Variants in MCTP2 observed in about 807,000 individuals in gnomAD.
The protein encoded by MCTP2 is multiple C2 and transmembrane domain containing 2.
A neutral mutation model predicts 111.6 loss-of-function variants in MCTP2; 132 were observed. The ratio of observed to expected loss-of-function variants is 1.18; its 90% CI spans 1.03 to 1.37. MCTP2 has a LOEUF of 1.37. MCTP2 is among the 40% of genes most tolerant of loss of function. The probability of loss-of-function intolerance (pLI) is 0.00; values close to 1 mark genes in which losing one functional copy is unlikely to be tolerated. For synonymous variants in MCTP2, 395 were observed against 387.7 expected, an observed-to-expected ratio of 1.02 and a Z score of -0.22; for missense variants, 1,183 against 1,067.9, an observed-to-expected ratio of 1.11 and a Z score of -1.50.
At chr15:94,430,393 T>TCACA (rs35129445) in intron 17 of MCTP2, among the ~76,000 whole-genome samples, 2,221 of 107,152 alleles carry the variant, frequency 0.021, 49 homozygotes, top group African/African-American at 0.041. Flanking sequence ...CCAAAAACAA[T>TCACA]CACACACACA....
chr15:94,281,772 C>G (rs1012619660), intron 1 of MCTP2, among the ~76,000 whole-genome samples: 1 of 152,124 alleles, frequency 6.6e-6, no homozygotes, highest in Non-Finnish European at 1.5e-5. Context: ...ATTCCCCTAG[C>G]ATTTCTTGTC....
intron 12 of MCTP2, among the ~76,000 whole-genome samples, chr15:94,377,682 G>A (rs770818035): frequency 1.4e-4 from 21 of 152,066 alleles, no homozygotes; most frequent in Non-Finnish European, 2.5e-4. Context: ...GGAGGAATTG[G>A]TCCCTGACCT....
chr15:94,433,867 C>T (rs2083318405), intron 17 of MCTP2, among the ~76,000 whole-genome samples: 1 of 151,984 alleles, frequency 6.6e-6, no homozygotes, highest in Non-Finnish European at 1.5e-5. Flanking sequence ...TGGATATCTT[C>T]CTATGTGTTT....
chr15:94,361,404 G>A (rs935177902), intron 10 of MCTP2, among the ~76,000 whole-genome samples: 4 of 152,150 alleles, frequency 2.6e-5, no homozygotes, highest in Admixed American at 1.3e-4. Flanking sequence ...CACATCCTGA[G>A]CTTGCTGATA....
At chr15:94,249,840 T>C (rs2152265188) in intron 1 of MCTP2, among the ~76,000 whole-genome samples, 1 of 152,302 alleles carries the variant, frequency 6.6e-6, no homozygotes, top group East Asian at 1.9e-4. Context: ...TGATCTGAGC[T>C]GGTCACCAGA....
chr15:94,428,051 G>A (rs781529978), intron 17 of MCTP2, among the ~76,000 whole-genome samples: 7 of 152,002 alleles, frequency 4.6e-5, no homozygotes, highest in African/African-American at 1.2e-4. Context: ...CTTCACTCTC[G>A]TAAGTCAATG....
At chr15:94,413,232 T>G (rs1168954366) in intron 17 of MCTP2, among the ~76,000 whole-genome samples, 2 of 152,198 alleles carry the variant, frequency 1.3e-5, no homozygotes. Context: ...CAGCAATTTA[T>G]TTTTAATTTG....
intron 17 of MCTP2, among the ~76,000 whole-genome samples, chr15:94,425,624 CACTT>C (rs2082848122): frequency 1.3e-5 from 2 of 151,802 alleles, no homozygotes; most frequent in Non-Finnish European, 2.9e-5. Context: ...CTTTTTGAAA[CACTT>C]AGAGAACTGA....
rs755287019 is a variant in MCTP2, at chr15:94,267,869, CTTT to C, written c.-65-30320_-65-30318del. On this transcript the variant is annotated intron_variant, in intron 1 of 22. Transcript: ENST00000357742. ...GGTCTGGATTACTTTCCTTTTCTTTCTTTTTTTTTTTTTTGAGACAGAGTCTTG... is the reference window on the plus strand; with the variant it reads ...GGTCTGGATTACTTTCCTTTTCTTTCTTTTTTTTTTTGAGACAGAGTCTTG... 9.0e-5 allele frequency among the ~76,000 whole-genome samples: 7 copies of C among 77,458 alleles called. 2 individuals are homozygous for C. In the East Asian group the frequency reaches 1.5e-3, roughly 17 times the overall value. The allele number at this position is 77,458 out of a possible 152,430, so 50.8% of individuals were successfully genotyped here.
intron 2 of MCTP2, among the ~76,000 whole-genome samples, chr15:94,311,585 G>A (rs1205675060): frequency 1.3e-5 from 2 of 152,106 alleles, no homozygotes; most frequent in African/African-American, 4.8e-5. Context: ...ACATTTTGCT[G>A]TTCTTTATGG....
intron 2 of MCTP2, among the ~76,000 whole-genome samples, chr15:94,303,147 A>G (rs1042949205): frequency 1.4e-5 from 1 of 70,806 alleles, no homozygotes; most frequent in Admixed American, 1.6e-4. Context: ...ATATATATAT[A>G]TAGTTCTGTC....
At chr15:94,242,771 G>T (rs771329070) in intron 1 of MCTP2, among the ~76,000 whole-genome samples, 5 of 151,198 alleles carry the variant, frequency 3.3e-5, no homozygotes, top group Admixed American at 2.6e-4. Context: ...GTCAGAAAGC[G>T]AGTATTGCAC....
chr15:94,442,936 T>G lies in MCTP2; in HGVS notation c.2226T>G (p.Asp742Glu). ...CCTTTCAGGAGAGCACAGACATAGATGACGAGGAGGATGAAGATGACAAGG... is the reference window on the plus strand; with the variant it reads ...CCTTTCAGGAGAGCACAGACATAGAGGACGAGGAGGATGAAGATGACAAGG... ...IQDSQESTDIDDEEDEDDKES... is the reference protein window; with the variant it reads ...IQDSQESTDIEDEEDEDDKES... The change falls in exon 19 of 23, where the codon GAT (aspartate) becomes GAG (glutamate). Residue 742 changes from aspartate to glutamate, a missense_variant. Asp to Glu is a conservative substitution (Grantham distance 45, BLOSUM62 2). Transcript: ENST00000357742. The G allele has an allele frequency of 6.2e-7, 1 of 1,613,464 alleles. No homozygotes were observed. Among genetic ancestry groups the G allele is most frequent in the Non-Finnish European group, 8.5e-7 (1 of 1,179,704 alleles).
chr15:94,300,273 C>T (rs955941956), intron 2 of MCTP2, among the ~76,000 whole-genome samples: 3 of 151,814 alleles, frequency 2.0e-5, no homozygotes, highest in Non-Finnish European at 2.9e-5. Flanking sequence ...TTTGGGAGAC[C>T]GAGGTGGGTG....
At chr15:94,277,404 T>C (rs556034974) in intron 1 of MCTP2, among the ~76,000 whole-genome samples, 2 of 152,290 alleles carry the variant, frequency 1.3e-5, no homozygotes, top group South Asian at 4.1e-4. Context: ...TTTATAATTG[T>C]CAGAAAGTGG....
chr15:94,318,162 C>T (rs2076457783), intron 4 of MCTP2, among the ~76,000 whole-genome samples: 1 of 152,000 alleles, frequency 6.6e-6, no homozygotes, highest in African/African-American at 2.4e-5. Context: ...AACCATTTCT[C>T]TGGCGAGTAG....
chr15:94,250,605 G>T (rs1382241000), intron 1 of MCTP2, among the ~76,000 whole-genome samples: 1 of 152,192 alleles, frequency 6.6e-6, no homozygotes, highest in Non-Finnish European at 1.5e-5. Context: ...GGGACTGAGA[G>T]TTATCTATTT....
intron 1 of MCTP2, among the ~76,000 whole-genome samples, chr15:94,291,371 G>T (rs1380939873): frequency 6.6e-6 from 1 of 152,218 alleles, no homozygotes; most frequent in Admixed American, 6.5e-5. Flanking sequence ...GGGAGGCCGA[G>T]GTGGGTGGAT....
At chr15:94,470,589 C>A in intron 21 of MCTP2, 147 bp downstream of exon 21, 1 of 661,196 alleles carries the variant, frequency 1.5e-6, no homozygotes, top group Non-Finnish European at 2.7e-6. Flanking sequence ...CAAAAACTTC[C>A]AGGACCTCCC....
Sources: gnomAD v4.1 joint callset for allele counts (sites outside exome capture counted in the v4.1 genomes callset) on GRCh38, gnomAD v4.1.1 for gene constraint, MANE v1.5 for transcripts, NCBI Gene and HGNC (gene_info 2026-07-23, HGNC 2026-07-21) for gene names.